The following HMOX2 variants were observed in gnomAD, a reference collection of about 807,000 sequenced individuals.
HMOX2 encodes the protein heme oxygenase (decycling) 2.
HMOX2 carries 30 observed loss-of-function variants against 33.7 expected under a neutral mutation model. The ratio of observed to expected loss-of-function variants is 0.89; its 90% CI spans 0.67 to 1.21. The LOEUF (loss-of-function observed/expected upper bound fraction) is 1.21. HMOX2 is among the 50% of genes most tolerant of loss of function. HMOX2 has a pLI of 0.00. For missense variants in HMOX2, 403 were observed against 399.1 expected, an observed-to-expected ratio of 1.01 and a Z score of -0.08; for synonymous variants, 155 against 155.0, an observed-to-expected ratio of 1.00 and a Z score of 0.00.
intron 1 of HMOX2, among the ~76,000 whole-genome samples, chr16:4,494,505 T>C (rs2058373819): frequency 6.6e-6 from 1 of 152,150 alleles, no homozygotes; most frequent in Admixed American, 6.6e-5. Context: ...TTAGATTTTC[T>C]GCTCTTTAAG....
chr16:4,499,900 TAC>T (rs2058515725), intron 1 of HMOX2, among the ~76,000 whole-genome samples: 1 of 152,230 alleles, frequency 6.6e-6, no homozygotes, highest in African/African-American at 2.4e-5. Flanking sequence ...TGTATTACTT[TAC>T]TTGGTATTTT....
chr16:4,492,670 G>C (rs1189824858), intron 1 of HMOX2, among the ~76,000 whole-genome samples: 1 of 151,560 alleles, frequency 6.6e-6, no homozygotes, highest in Non-Finnish European at 1.5e-5. Context: ...GGTGATCCAA[G>C]ATCACGCCAC....
Position 4,487,678 on chromosome 16 carries a change from T to G in HMOX2, c.-42+11191T>G, listed in dbSNP as rs1336347716. ...AGCTGGGCGTGGTGGCTGGCGCCTG[T>G]AGTCCCAGCTCCTTGGGAGGCTGAG... On this transcript the variant is annotated intron_variant, in intron 1 of 5. Coordinates refer to ENST00000570646, the MANE Select transcript of HMOX2 (RefSeq NM_002134.4). Among the ~76,000 whole-genome samples the G allele has an allele frequency of 1.3e-5, 2 of 151,886 alleles. 1 individual carries two copies. Among genetic ancestry groups the G allele is most frequent in the South Asian group, 4.1e-4 (2 of 4,830 alleles).
At chr16:4,493,176 A>G (rs1266723832) in intron 1 of HMOX2, among the ~76,000 whole-genome samples, 4 of 152,054 alleles carry the variant, frequency 2.6e-5, no homozygotes, top group Non-Finnish European at 5.9e-5. Flanking sequence ...TGTGACCACA[A>G]CTGCATGCCA....
chr16:4,501,943 G>A (rs1309093204), intron 1 of HMOX2, among the ~76,000 whole-genome samples: 1 of 152,170 alleles, frequency 6.6e-6, no homozygotes, highest in Non-Finnish European at 1.5e-5. Flanking sequence ...ACAGATGGTA[G>A]TTGGTACTTT....
At chr16:4,509,366 G>T in intron 4 of HMOX2, 46 bp from the exon 5 acceptor site, 2 of 1,558,204 alleles carry the variant, frequency 1.3e-6, no homozygotes, top group Non-Finnish European at 1.7e-6. Context: ...AAAAAAAAAA[G>T]TATGGGCAGC....
intron 1 of HMOX2, among the ~76,000 whole-genome samples, chr16:4,481,468 C>G (rs964973140): frequency 2.6e-5 from 4 of 151,792 alleles, no homozygotes; most frequent in African/African-American, 4.8e-5. Flanking sequence ...AATTTTTATG[C>G]GAAACACCTG....
chr16:4,491,223 A>C (rs1485458580), intron 1 of HMOX2, among the ~76,000 whole-genome samples: 1 of 152,234 alleles, frequency 6.6e-6, no homozygotes, highest in Non-Finnish European at 1.5e-5. Flanking sequence ...CGCTCTAAAG[A>C]AACAAAAGTG....
At chr16:4,494,830 G>C (rs1314399616) in intron 1 of HMOX2, among the ~76,000 whole-genome samples, 1 of 151,942 alleles carries the variant, frequency 6.6e-6, no homozygotes, top group African/African-American at 2.4e-5. Flanking sequence ...AGTGAGCTAT[G>C]ATCACACCAC....
chr16:4,509,613 TG>T lies in HMOX2; in HGVS notation c.824-14del. On this transcript the variant is annotated splice_polypyrimidine_tract_variant and intron_variant, in intron 5 of 5. Transcript: ENST00000570646. ...ACTCCACTGATGCCATGTCTCCTATTGGTGCTGCCACACAGGTGCCCTGGAG... is the reference window on the plus strand; with the variant it reads ...ACTCCACTGATGCCATGTCTCCTATTGTGCTGCCACACAGGTGCCCTGGAG... The T allele has an allele frequency of 6.2e-7, 1 of 1,613,566 alleles. No homozygotes were observed. The highest frequency in any genetic ancestry group is 8.5e-7 in the Non-Finnish European group (1 of 1,179,486).
At chr16:4,503,322 C>G (rs1381408074) in intron 1 of HMOX2, among the ~76,000 whole-genome samples, 1 of 152,114 alleles carries the variant, frequency 6.6e-6, no homozygotes, top group African/African-American at 2.4e-5. Flanking sequence ...GGCCCTCCCC[C>G]AGCCCTGCCC....
chr16:4,487,707 G>A (rs1293958132), intron 1 of HMOX2, among the ~76,000 whole-genome samples: 3 of 152,038 alleles, frequency 2.0e-5, no homozygotes, highest in South Asian at 2.1e-4. Flanking sequence ...GGCTGAGGTG[G>A]GAGAATGGCG....
chr16:4,484,892 G>A (rs911637625), intron 1 of HMOX2, among the ~76,000 whole-genome samples: 1 of 151,654 alleles, frequency 6.6e-6, no homozygotes, highest in East Asian at 1.9e-4. Context: ...GTATCGTTTA[G>A]GTAATCATGA....
intron 1 of HMOX2, among the ~76,000 whole-genome samples, chr16:4,491,398 C>T (rs2058301979): frequency 6.6e-6 from 1 of 152,100 alleles, no homozygotes; most frequent in African/African-American, 2.4e-5. Context: ...TCCTGTAATC[C>T]TGGCACTTTG....
At chr16:4,497,785 A>AGG (rs148550163) in intron 1 of HMOX2, among the ~76,000 whole-genome samples, 37 of 151,966 alleles carry the variant, frequency 2.4e-4, no homozygotes, top group African/African-American at 8.9e-4. Context: ...TTTGAGATGG[A>AGG]GGGGGTCTCA....
intron 1 of HMOX2, among the ~76,000 whole-genome samples, chr16:4,488,167 C>T (rs896761469): frequency 6.6e-6 from 1 of 150,900 alleles, no homozygotes; most frequent in African/African-American, 2.4e-5. Context: ...GTATACCTCT[C>T]ACAGCCCTGG....
intron 1 of HMOX2, among the ~76,000 whole-genome samples, chr16:4,497,899 C>G (rs2058461598): frequency 6.6e-6 from 1 of 152,042 alleles, no homozygotes; most frequent in South Asian, 2.1e-4. Flanking sequence ...CAACCGGTCT[C>G]TTGTCAGTTT....
chr16:4,489,941 A>C (rs17761715), intron 1 of HMOX2, among the ~76,000 whole-genome samples: 6,930 of 152,244 alleles, frequency 0.046, 220 homozygotes, highest in Non-Finnish European at 0.064. Context: ...TTCACCTTTA[A>C]TTGCCCTCTG....
intron 1 of HMOX2, among the ~76,000 whole-genome samples, chr16:4,502,347 A>G (rs1180907226): frequency 6.6e-6 from 1 of 152,230 alleles, no homozygotes; most frequent in African/African-American, 2.4e-5. Flanking sequence ...CACGTTCCCT[A>G]TCACTGTTGT....
Sources: allele counts gnomAD v4.1 joint callset (sites outside exome capture counted in the v4.1 genomes callset), GRCh38; gene constraint gnomAD v4.1.1; transcripts MANE v1.5; gene names NCBI Gene and HGNC (gene_info 2026-07-23, HGNC 2026-07-21).